GBP2: variants seen among roughly 807,000 people sequenced by gnomAD.
GBP2 encodes guanylate-binding protein 2.
Under a neutral mutation model 60.8 loss-of-function variants are expected in GBP2, and 54 were observed. That is an observed-to-expected ratio of 0.89 (90% CI 0.71 to 1.11). The LOEUF (loss-of-function observed/expected upper bound fraction) is 1.11. Ranked by LOEUF, GBP2 falls within the 50% of genes most tolerant of loss-of-function variation. The pLI, the probability that GBP2 is intolerant of heterozygous loss-of-function variation, is 0.00. For missense variants in GBP2, 665 were observed against 703.3 expected, an observed-to-expected ratio of 0.95 and a Z score of 0.62; for synonymous variants, 243 against 256.5, an observed-to-expected ratio of 0.95 and a Z score of 0.50.
chr1:89,124,794 T>C (rs1681486413), intron 1 of GBP2, among the ~76,000 whole-genome samples: 1 of 152,214 alleles, frequency 6.6e-6, no homozygotes, highest in Non-Finnish European at 1.5e-5. Context: ...ATGTAGAAAA[T>C]CTGCTGATTT....
At chr1:89,121,668 G>C in intron 2 of GBP2, 109 bp downstream of exon 2, 1 of 1,210,524 alleles carries the variant, frequency 8.3e-7, no homozygotes, top group South Asian at 1.5e-5. Flanking sequence ...TGGACTGAAA[G>C]TTAGCTTTCA....
intron 1 of GBP2, among the ~76,000 whole-genome samples, chr1:89,125,603 AC>A (rs1681502134): frequency 6.6e-6 from 1 of 152,226 alleles, no homozygotes; most frequent in Non-Finnish European, 1.5e-5. Context: ...TTAAGCAGAT[AC>A]TAATAATGAT....
intron 6 of GBP2, among the ~76,000 whole-genome samples, chr1:89,115,221 C>G (rs1038260587): frequency 6.6e-6 from 1 of 152,160 alleles, no homozygotes; most frequent in Non-Finnish European, 1.5e-5. Context: ...TTCCCTCTAT[C>G]AACAGGCCTT....
In GBP2 at chr1:89,117,773, G is replaced by C; in HGVS notation, c.429C>G (p.His143Gln). The change falls in exon 5 of 11, where the codon CAC becomes CAG. Residue 143 changes from histidine to glutamine, a missense_variant and splice_region_variant. Coordinates refer to ENST00000370466, the MANE Select transcript of GBP2 (RefSeq NM_004120.5). ...TINQQAMDQL[H>Q]YVTELTDRIK... ...TTCGATCTGTCAGCTCTGTCACATA[G>C]CTGAGATGCTAAATTAAGAAAACTA... 1 of 1,593,092 alleles carries C rather than the reference G, an allele frequency of 6.3e-7. No individual in the cohort carries two copies. Among genetic ancestry groups the C allele is most frequent in the Non-Finnish European group, 8.5e-7 (1 of 1,171,076 alleles).
At chr1:89,121,472 G>A (rs1438405184) in intron 2 of GBP2, among the ~76,000 whole-genome samples, 1 of 152,134 alleles carries the variant, frequency 6.6e-6, no homozygotes, top group Non-Finnish European at 1.5e-5. Flanking sequence ...TTCATTGAAA[G>A]CTTGCTGTCA....
At chr1:89,118,215 G>C (rs1681320084) in intron 4 of GBP2, 1 of 153,766 alleles carries the variant, frequency 6.5e-6, no homozygotes, top group African/African-American at 2.4e-5. Flanking sequence ...GTGTGTATCT[G>C]CATGTGGTGC....
Position 89,109,856 on chromosome 1 carries a change from C to A in GBP2, c.1480G>T (p.Ala494Ser). 1 of 1,613,046 alleles carries A rather than the reference C, an allele frequency of 6.2e-7. No homozygotes were observed. The highest frequency in any genetic ancestry group is 8.5e-7 in the Non-Finnish European group (1 of 1,179,738). ...TTCTTTGCAGCTTCTGCAGATTCAG[C>A]CTTTATACGTTCCACTGTGGAAGAA... is the stretch of plus-strand genomic sequence containing the variant. Reference protein sequence around the residue: ...EKAIEVERIKAESAEAAKKML... With the variant: ...EKAIEVERIKSESAEAAKKML... The change falls in exon 10 of 11, where the codon GCT becomes TCT. Residue 494 changes from alanine (A) to serine (S), a missense_variant. Physicochemically the swap from Ala to Ser is moderately conservative, Grantham distance 99 (BLOSUM62 1). Transcript: ENST00000370466.
chr1:89,110,232 T>C lies in GBP2; in HGVS notation c.1397A>G (p.Lys466Arg). Residue 466 changes from lysine to arginine, a missense_variant, in exon 9 of 11, where the codon AAG (lysine) becomes AGG (arginine). Transcript: ENST00000370466. ...KEVLKKYLES[K>R]EDVADALLQT... ...TAGAAGTGCATCAGCCACATCCTCC[T>C]TGGACTCCAAATATTTTTTCAGCAC... 2 of 1,613,802 alleles carry C rather than the reference T, an allele frequency of 1.2e-6. No individual in the cohort carries two copies. Among genetic ancestry groups the C allele is most frequent in the Non-Finnish European group, 1.7e-6 (2 of 1,179,826 alleles).
At chr1:89,114,892 A>G (rs1316840730) in intron 6 of GBP2, among the ~76,000 whole-genome samples, 1 of 152,026 alleles carries the variant, frequency 6.6e-6, no homozygotes, top group Non-Finnish European at 1.5e-5. Flanking sequence ...GGACCTTCTC[A>G]TCTCTCTGCG....
intron 6 of GBP2, among the ~76,000 whole-genome samples, chr1:89,116,748 A>C (rs569905658): frequency 1.5e-3 from 235 of 152,132 alleles, no homozygotes; most frequent in African/African-American, 5.3e-3. Flanking sequence ...TTGGTGGAGA[A>C]GTTTACCATA....
intron 8 of GBP2, among the ~76,000 whole-genome samples, chr1:89,111,258 C>G (rs1054771435): frequency 6.6e-6 from 1 of 152,060 alleles, no homozygotes; most frequent in Non-Finnish European, 1.5e-5. Context: ...AACAAATATG[C>G]CTACATTTAC....
At chr1:89,117,378 GA>G in intron 5 of GBP2, 144 bp from the exon 6 acceptor site, 1 of 915,016 alleles carries the variant, frequency 1.1e-6, no homozygotes, top group Non-Finnish European at 1.6e-6. Context: ...GTAGAGAAAG[GA>G]AAGTCTCCAA....
In GBP2 at chr1:89,121,876, G is replaced by A. The variant is rs1256853862; in HGVS notation, c.91C>T (p.Leu31=). 6.2e-7 allele frequency: 1 copy of A among 1,613,976 alleles called. No homozygotes were observed. Among genetic ancestry groups the A allele is most frequent in the African/African-American group, 1.3e-5 (1 of 74,904 alleles). ...LVVNPEALKI[L]SAITQPVVVV... is the part of the protein sequence containing the mutation. ...ACCACAGGCTGCGTAATTGCAGATA[G>A]GATCTTCAGAGCTTCTGGATTCACC... The change falls in exon 2 of 11, where the codon CTA becomes TTA. Residue 31 remains leucine (L), a synonymous_variant. Transcript: ENST00000370466.
chr1:89,112,653 CAA>C lies in GBP2; in HGVS notation c.1179_1180del (p.Phe393LeufsTer2). ...TGATGATGCTTTGGAATTCTGCTTA[CAA>C]AAGTCATCTCGCCTTGCTTCCAACT... On this transcript the variant is annotated frameshift_variant, in exon 8 of 11. Transcript: ENST00000370466. LOFTEE classifies it high-confidence loss of function. 1 of 1,614,142 alleles carries C rather than the reference CAA, an allele frequency of 6.2e-7. No homozygotes were observed. The highest frequency in any genetic ancestry group is 8.5e-7 in the Non-Finnish European group (1 of 1,180,022).
At chr1:89,113,563 A>G (rs1681207205) in intron 7 of GBP2, among the ~76,000 whole-genome samples, 1 of 152,228 alleles carries the variant, frequency 6.6e-6, no homozygotes, top group Non-Finnish European at 1.5e-5. Context: ...TGAGGCAGAC[A>G]TTAAAAACAT....
Position 89,109,666 on chromosome 1 carries a change from C to A in GBP2, c.1659+11G>T. ...ACTGGAAGAGAAAATTGAGATGATG[C>A]AATTGAATACCTGAAGTTTAAGAGC... On this transcript the variant is annotated intron_variant, in intron 10 of 10. Transcript: ENST00000370466. The A allele has an allele frequency of 6.2e-7, 1 of 1,610,652 alleles. No homozygotes were observed. Among genetic ancestry groups the A allele is most frequent in the Non-Finnish European group, 8.5e-7 (1 of 1,178,500 alleles).
chr1:89,108,045 T>C lies in GBP2; in HGVS notation c.*130A>G. ...AACCTTTACTTTGCAAACTTTATGG[T>C]TCAACAAAAATGCATGCATCATGAT... is the stretch of plus-strand genomic sequence containing the variant. On this transcript the variant is annotated 3_prime_UTR_variant, in exon 11 of 11. Coordinates refer to ENST00000370466, the MANE Select transcript of GBP2 (RefSeq NM_004120.5). 1.5e-6 allele frequency: 1 copy of C among 645,268 alleles called. No individual in the cohort carries two copies. The highest frequency in any genetic ancestry group is 2.8e-6 in the Non-Finnish European group (1 of 362,422). The allele number at this position is 645,268 out of a possible 1,614,324, so 40.0% of individuals were successfully genotyped here.
chr1:89,117,912 C>T, intron 4 of GBP2, 139 bp from the exon 5 acceptor site: 6 of 711,340 alleles, frequency 8.4e-6, no homozygotes, highest in South Asian at 6.2e-5. Flanking sequence ...AGAATTCATT[C>T]ACTCACAAAC....
intron 4 of GBP2, chr1:89,118,698 A>G (rs1681333296): frequency 1.3e-5 from 2 of 152,298 alleles, no homozygotes; most frequent in Middle Eastern, 3.4e-3. Context: ...AGTAGTGAGA[A>G]TTGGCTAGTC....
Sources: allele counts gnomAD v4.1 joint callset (sites outside exome capture counted in the v4.1 genomes callset), GRCh38; gene constraint gnomAD v4.1.1; transcripts MANE v1.5; gene names NCBI Gene and HGNC (gene_info 2026-07-23, HGNC 2026-07-21).